CTNNA2: variants seen among roughly 807,000 people sequenced by gnomAD.
CTNNA2 encodes catenin alpha-2.
In CTNNA2, 42 loss-of-function variants were observed where a neutral mutation model predicts 101.0. That is an observed-to-expected ratio of 0.42 (90% CI 0.32 to 0.54). The LOEUF is 0.54. CTNNA2 is among the 20% of genes least tolerant of loss of function. The probability of loss-of-function intolerance (pLI) is 0.14; values close to 1 mark genes in which losing one functional copy is unlikely to be tolerated. For missense variants in CTNNA2, 871 were observed against 1,223.1 expected, an observed-to-expected ratio of 0.71 and a Z score of 4.29; for synonymous variants, 450 against 456.4, an observed-to-expected ratio of 0.99 and a Z score of 0.18.
chr2:80,336,812 TAAG>T (rs1399527840), intron 7 of CTNNA2, among the ~76,000 whole-genome samples: 2 of 152,174 alleles, frequency 1.3e-5, no homozygotes, highest in African/African-American at 4.8e-5. Context: ...TTCAAATACT[TAAG>T]AAGTGACTCT....
chr2:80,230,312 T>C (rs1280517172), intron 7 of CTNNA2, among the ~76,000 whole-genome samples: 1 of 149,202 alleles, frequency 6.7e-6, no homozygotes, highest in East Asian at 2.0e-4. Flanking sequence ...TTCAGGCTGG[T>C]CTTGAACTCC....
chr2:79,197,788 T>C (rs146806719), intron 1 of CTNNA2, among the ~76,000 whole-genome samples: 110 of 152,354 alleles, frequency 7.2e-4, no homozygotes, highest in African/African-American at 2.4e-3. Flanking sequence ...GTGGTTGTTG[T>C]TGTTGAGACG....
At chr2:79,663,606 C>T (rs1406118507) in intron 2 of CTNNA2, among the ~76,000 whole-genome samples, 5 of 152,124 alleles carry the variant, frequency 3.3e-5, no homozygotes, top group Non-Finnish European at 7.4e-5. Context: ...ATCATTCTCC[C>T]GACCTCACAG....
chr2:79,639,020 C>G (rs1250724192), intron 1 of CTNNA2, among the ~76,000 whole-genome samples: 1 of 152,136 alleles, frequency 6.6e-6, no homozygotes, highest in Non-Finnish European at 1.5e-5. Context: ...ATTATTTTCC[C>G]ATTACTCTGT....
chr2:79,456,175 A>G (rs1323519977), intron 4 of CTNNA2, among the ~76,000 whole-genome samples: 1 of 150,896 alleles, frequency 6.6e-6, no homozygotes, highest in African/African-American at 2.4e-5. Flanking sequence ...AATAATTTAA[A>G]CTATTGAATT....
chr2:79,644,013 G>A (rs1241852182), intron 1 of CTNNA2, among the ~76,000 whole-genome samples: 1 of 151,868 alleles, frequency 6.6e-6, no homozygotes, highest in Non-Finnish European at 1.5e-5. Flanking sequence ...TCCACCGATA[G>A]CCAGGAGAAA....
At chr2:79,432,503 G>A (rs1357945365) in intron 4 of CTNNA2, among the ~76,000 whole-genome samples, 2 of 152,136 alleles carry the variant, frequency 1.3e-5, no homozygotes, top group African/African-American at 4.8e-5. Flanking sequence ...TGTGTTGTTT[G>A]AATTATTCAG....
At chr2:79,189,263 T>C (rs752076928) in intron 1 of CTNNA2, among the ~76,000 whole-genome samples, 1 of 152,246 alleles carries the variant, frequency 6.6e-6, no homozygotes, top group Non-Finnish European at 1.5e-5. Context: ...CTGATATTGA[T>C]AATTTGTCCT....
chr2:80,223,400 G>A (rs1423787761), intron 7 of CTNNA2, among the ~76,000 whole-genome samples: 2 of 152,086 alleles, frequency 1.3e-5, no homozygotes, highest in African/African-American at 2.4e-5. Flanking sequence ...TCAGCCTCCC[G>A]AGTGGCTGGG....
chr2:79,872,819 T>G (rs541321000), intron 5 of CTNNA2, among the ~76,000 whole-genome samples: 1 of 151,970 alleles, frequency 6.6e-6, no homozygotes. Flanking sequence ...GTGGTTCAAA[T>G]ACGCTTTACT....
chr2:79,465,989 C>A (rs1179249829), intron 4 of CTNNA2, among the ~76,000 whole-genome samples: 1 of 152,178 alleles, frequency 6.6e-6, no homozygotes, highest in African/African-American at 2.4e-5. Flanking sequence ...TTCTGCATTT[C>A]CAACCAAGGT....
At chr2:79,393,633 A>G (rs1038136994) in intron 4 of CTNNA2, among the ~76,000 whole-genome samples, 2 of 151,036 alleles carry the variant, frequency 1.3e-5, no homozygotes, top group Non-Finnish European at 3.0e-5. Flanking sequence ...ACAGAGAAAA[A>G]AAAAAAAAAA....
rs70940079 is a variant in CTNNA2, at chr2:80,300,281, GGTGTGTGTGTGTGT to G, written c.1057-92891_1057-92878del. Among the ~76,000 whole-genome samples, 829 of 93,152 alleles carry G rather than the reference GGTGTGTGTGTGTGT, an allele frequency of 8.9e-3. 5 individuals are homozygous for G. Among genetic ancestry groups the G allele is most frequent in the African/African-American group, 0.032 (710 of 22,538 alleles). 61.1% of individuals were successfully genotyped at this position (93,152 alleles called of 152,430 possible). A position where few individuals can be genotyped will look rare whatever the true frequency, so the allele number is the denominator to read the frequency against. ...CAGGAAAAATGAGCTGGGGTGTTGG[GGTGTGTGTGTGTGT>G]GTGTGTGTGTGTGTGTGTGTGTGTG... On this transcript the variant is annotated intron_variant, in intron 7 of 18. Transcript: ENST00000402739.
In CTNNA2 at chr2:80,302,070, C is replaced by T; in HGVS notation, c.1057-91141C>T. On this transcript the variant is annotated intron_variant, in intron 7 of 18. Coordinates refer to ENST00000402739, the MANE Select transcript of CTNNA2 (RefSeq NM_001282597.3). The surrounding 1 kb of genome is among the most constrained non-coding windows in gnomAD (Gnocchi z 6.4). ...TGGGGTTTTTTGTTGTGTTTTAATT[C>T]GCTTTTGTTTTTAAGACACAATAAA... 3.8e-6 allele frequency: 3 copies of T among 794,374 alleles called. No homozygotes were observed. The highest frequency in any genetic ancestry group is 5.7e-6 in the Non-Finnish European group (3 of 528,812). 49.2% of individuals were successfully genotyped at this position (794,374 alleles called of 1,614,324 possible). A position where few individuals can be genotyped will look rare whatever the true frequency, so the allele number is the denominator to read the frequency against.
chr2:79,209,948 G>T (rs1249713485), intron 2 of CTNNA2, among the ~76,000 whole-genome samples: 1 of 151,890 alleles, frequency 6.6e-6, no homozygotes, highest in Non-Finnish European at 1.5e-5. Flanking sequence ...CAGTTTTCTT[G>T]GTAGTCTGTG....
chr2:79,320,260 A>ATTTTTTTTTTTTT (rs34694986), intron 3 of CTNNA2, among the ~76,000 whole-genome samples: 2 of 119,786 alleles, frequency 1.7e-5, no homozygotes, highest in African/African-American at 3.2e-5. Flanking sequence ...TTACGTTTCA[A>ATTTTTTTTTTTTT]TTTTTTTTTT....
intron 3 of CTNNA2, among the ~76,000 whole-genome samples, chr2:79,820,742 C>A (rs1033099874): frequency 6.6e-6 from 1 of 152,198 alleles, no homozygotes; most frequent in South Asian, 2.1e-4. Context: ...CAATAAATCT[C>A]ATGTTCCTCA....
chr2:79,990,750 G>A (rs994478049), intron 7 of CTNNA2, among the ~76,000 whole-genome samples: 2 of 152,036 alleles, frequency 1.3e-5, no homozygotes, highest in African/African-American at 4.8e-5. Flanking sequence ...TTTTTTTGTT[G>A]TGTCTCTGCC....
At chr2:80,445,547 C>A (rs1047992484) in intron 9 of CTNNA2, among the ~76,000 whole-genome samples, 6 of 152,158 alleles carry the variant, frequency 3.9e-5, no homozygotes, top group Admixed American at 3.9e-4. Flanking sequence ...CTCAAACTTT[C>A]CTGTGTATAA....
Sources: gnomAD v4.1 joint callset for allele counts (sites outside exome capture counted in the v4.1 genomes callset) on GRCh38, gnomAD v4.1.1 for gene constraint, Gnocchi (gnomAD v3.1) non-coding constraint, MANE v1.5 for transcripts, NCBI Gene and HGNC (gene_info 2026-07-23, HGNC 2026-07-21) for gene names.